The following TNK2 variants were observed in gnomAD, a reference collection of about 807,000 sequenced individuals.
TNK2 encodes activated CDC42 kinase 1.
Under a neutral mutation model 101.8 loss-of-function variants are expected in TNK2, and 83 were observed. The observed-to-expected ratio is 0.82, with a 90% CI of 0.68 to 0.98. TNK2 has a LOEUF of 0.98. Ranked by LOEUF, TNK2 falls within the 50% of genes least tolerant of loss-of-function variation. The pLI is 0.00. For missense variants in TNK2, 1,665 were observed against 1,483.2 expected (o/e 1.12, Z -2.01); for synonymous variants, 804 against 633.0 (o/e 1.27, Z -4.06).
rs747969547 is a variant in TNK2 at position 195,868,247 on chromosome 3, T to A, written c.2051A>T (p.Asn684Ile). Residue 684 changes from asparagine (N) to isoleucine (I), a missense_variant, in exon 13 of 16, where the codon AAC becomes ATC. Physicochemically the swap from Asn to Ile is moderately radical, Grantham distance 149 (BLOSUM62 -3). Transcript: ENST00000672887. ...CGCCTGCTCAGGCACAAAGGCGTAGTTGGTCTGGCCCTGGCTGGGCCCGGC... is the reference window on the plus strand; with the variant it reads ...CGCCTGCTCAGGCACAAAGGCGTAGATGGTCTGGCCCTGGCTGGGCCCGGC... Reference protein sequence around the residue: ...VPAGPSQGQTNYAFVPEQARP... With the variant: ...VPAGPSQGQTIYAFVPEQARP... 1.9e-6 allele frequency: 3 copies of A among 1,605,400 alleles called. No homozygotes were observed. The South Asian group carries it at 3.3e-5, about 18-fold the overall frequency.
intron 15 of TNK2, among the ~76,000 whole-genome samples, chr3:195,866,152 T>C (rs1311743042): frequency 6.6e-6 from 1 of 152,242 alleles, no homozygotes; most frequent in East Asian, 1.9e-4. Flanking sequence ...TATATTTTGT[T>C]AAACTATAAT....
In TNK2 at chr3:195,867,544, G is replaced by A. The variant is rs757190289; in HGVS notation, c.2754C>T (p.Ala918=). The A allele has an allele frequency of 7.8e-6, 12 of 1,535,632 alleles. No individual in the cohort carries two copies. The highest frequency in any genetic ancestry group is 4.8e-5 in the South Asian group (4 of 82,884). The change falls in exon 13 of 16, where the codon GCC becomes GCT. Residue 918 remains alanine, a synonymous_variant. Transcript: ENST00000672887. ...LLPPPSTPAP[A]APTATVRPMP... is the part of the protein sequence containing the mutation. Reference sequence around the variant, plus strand: ...TCGGCCGCACGGTGGCCGTGGGGGCGGCGGGGGCTGGGGTGCTGGGTGGGG... The same window carrying A: ...TCGGCCGCACGGTGGCCGTGGGGGCAGCGGGGGCTGGGGTGCTGGGTGGGG...
At position 195,874,186 on chromosome 3, in the gene TNK2, G is replaced by A. The variant is rs558118440; in HGVS notation, c.1257-1716C>T. On this transcript the variant is annotated intron_variant, in intron 9 of 15. Transcript: ENST00000672887. ...CTGCTCTCCACACCTCTTCAGAGGC[G>A]CTCAGTAACTGGGTGAGAATGCCGC... is the stretch of plus-strand genomic sequence containing the variant. Among the ~76,000 whole-genome samples the A allele has an allele frequency of 1.6e-3, 242 of 152,332 alleles. 2 individuals carry two copies. The highest frequency in any genetic ancestry group is 5.2e-3 in the African/African-American group (216 of 41,564).
intron 1 of TNK2, chr3:195,895,509 C>T (rs1760228950): frequency 7.4e-7 from 1 of 1,351,792 alleles, no homozygotes; most frequent in Admixed American, 4.1e-5. Flanking sequence ...CTCCTCCTGC[C>T]GGCCTGCGGC....
intron 1 of TNK2, among the ~76,000 whole-genome samples, chr3:195,900,060 G>A (rs1245473447): frequency 6.6e-6 from 1 of 152,178 alleles, no homozygotes; most frequent in African/African-American, 2.4e-5. Flanking sequence ...GACCCACTAA[G>A]CAACTCAGTC....
At chr3:195,903,103 C>T (rs1761388991) in intron 1 of TNK2, among the ~76,000 whole-genome samples, 1 of 147,088 alleles carries the variant, frequency 6.8e-6, no homozygotes, top group Non-Finnish European at 1.5e-5. Context: ...TGCAGTGGCG[C>T]CATCTCGGCT....
chr3:195,865,366 C>G (rs925711547), intron 15 of TNK2, among the ~76,000 whole-genome samples: 5 of 141,802 alleles, frequency 3.5e-5, no homozygotes, highest in African/African-American at 1.3e-4. Flanking sequence ...TCAGTAAGAA[C>G]CACCCGAGAC....
At chr3:195,869,421 T>G in intron 12 of TNK2, 76 bp downstream of exon 12, 5 of 1,131,734 alleles carry the variant, frequency 4.4e-6, no homozygotes, top group Non-Finnish European at 6.3e-6. Context: ...CCGCCCAGGC[T>G]CTGTACCTTC....
intron 10 of TNK2, 26 bp downstream of exon 10, chr3:195,872,250 A>G (rs775141725): frequency 1.9e-6 from 3 of 1,611,960 alleles, no homozygotes; most frequent in South Asian, 1.1e-5. Flanking sequence ...GGGCCAGGTC[A>G]GCATCCATCC....
chr3:195,871,721 C>T (rs1310458088), intron 10 of TNK2, among the ~76,000 whole-genome samples: 1 of 152,242 alleles, frequency 6.6e-6, no homozygotes, highest in Non-Finnish European at 1.5e-5. Flanking sequence ...CTTTCATCTA[C>T]AGTGAGTGGG....
intron 11 of TNK2, chr3:195,869,868 G>A (rs1227627578): frequency 5.4e-6 from 3 of 557,134 alleles, no homozygotes; most frequent in African/African-American, 1.9e-5. Flanking sequence ...GTGGAAGGAG[G>A]GAGGAGGGAC....
At position 195,867,537 on chromosome 3, in the gene TNK2, T is replaced by C; in HGVS notation, c.2761A>G (p.Thr921Ala). 1 of 964,750 alleles carries C rather than the reference T, an allele frequency of 1.0e-6. No homozygotes were observed. Among genetic ancestry groups the C allele is most frequent in the Non-Finnish European group, 1.3e-6 (1 of 771,518 alleles). 59.8% of individuals were successfully genotyped at this position (964,750 alleles called of 1,614,324 possible). Reference protein sequence around the residue: ...PPSTPAPAAPTATVRPMPQAA... With the variant: ...PPSTPAPAAPAATVRPMPQAA... ...TGGGGCATCGGCCGCACGGTGGCCG[T>C]GGGGGCGGCGGGGGCTGGGGTGCTG... The change falls in exon 13 of 16, where the codon ACG becomes GCG. Residue 921 changes from threonine to alanine, a missense_variant. Around this residue, in one of 3 missense-constraint regions of TNK2, gnomAD observed 1,136 missense variants for 894.9 expected, o/e 1.27. Transcript: ENST00000672887.
At chr3:195,872,145 G>T in intron 10 of TNK2, 131 bp downstream of exon 10, 1 of 1,035,248 alleles carries the variant, frequency 9.7e-7, no homozygotes, top group Non-Finnish European at 1.4e-6. Flanking sequence ...GGTGAGGAGG[G>T]GAGAGTGGCG....
chr3:195,881,585 ACCCCC>A (rs373595202), intron 6 of TNK2, among the ~76,000 whole-genome samples: 1 of 20,642 alleles, frequency 4.8e-5, no homozygotes, highest in Non-Finnish European at 7.8e-5. Flanking sequence ...TCCCTGTAAC[ACCCCC>A]CCAGCGATGC....
intron 1 of TNK2, chr3:195,892,515 A>G: frequency 6.5e-7 from 1 of 1,533,620 alleles, no homozygotes. Context: ...CCCCCCGAGC[A>G]GTCACTGGGG....
intron 9 of TNK2, chr3:195,876,337 T>C (rs1398784819): frequency 1.1e-5 from 5 of 448,170 alleles, no homozygotes; most frequent in Non-Finnish European, 2.2e-5. Context: ...AGGAAACAAA[T>C]ACTGGACACA....
At chr3:195,904,023 G>T (rs938954090) in intron 1 of TNK2, among the ~76,000 whole-genome samples, 1 of 152,104 alleles carries the variant, frequency 6.6e-6, no homozygotes, top group African/African-American at 2.4e-5. Flanking sequence ...ACAGCCAAAA[G>T]GTGAAAGCCG....
At chr3:195,876,368 C>T (rs1439510045) in intron 9 of TNK2, 16 of 453,936 alleles carry the variant, frequency 3.5e-5, no homozygotes, top group African/African-American at 1.2e-4. Flanking sequence ...TGGGAAGCCA[C>T]GGCGAAGAGA....
At position 195,868,341 on chromosome 3, in the gene TNK2, C is replaced by A. The variant is rs201407161; in HGVS notation, c.1957G>T (p.Val653Leu). 4.4e-6 allele frequency: 7 copies of A among 1,601,038 alleles called. No individual in the cohort carries two copies. In the African/African-American group the frequency reaches 8.0e-5, roughly 18 times the overall value. The change falls in exon 13 of 16, where the codon GTG becomes TTG. Residue 653 changes from valine to leucine, a missense_variant. Transcript: ENST00000672887. ...PLPPPPAYDDVAQDEDDFEIC... is the reference protein window; with the variant it reads ...PLPPPPAYDDLAQDEDDFEIC... ...TCAAAGTCATCCTCATCCTGGGCCA[C>A]GTCGTCATAGGCGGGCGGGGGGGGC...
Sources: allele counts gnomAD v4.1 joint callset (sites outside exome capture counted in the v4.1 genomes callset), GRCh38; gene constraint gnomAD v4.1.1; regional missense constraint gnomAD v4.1.1; transcripts MANE v1.5; gene names NCBI Gene and HGNC (gene_info 2026-07-23, HGNC 2026-07-21).